The following PARVB variants were observed in gnomAD, a reference collection of about 807,000 sequenced individuals.
PARVB encodes the protein parvin beta, also known as beta-parvin.
PARVB carries 46 observed loss-of-function variants against 47.0 expected under a neutral mutation model. That is an observed-to-expected ratio of 0.98 (90% CI 0.77 to 1.25). The LOEUF (loss-of-function observed/expected upper bound fraction) is 1.25, where lower values mean the gene tolerates loss of function less well. PARVB is among the 50% of genes most tolerant of loss of function. PARVB has a pLI of 0.00. For synonymous variants in PARVB, 196 were observed against 196.3 expected, an observed-to-expected ratio of 1.00 and a Z score of 0.01; for missense variants, 473 against 471.6, an observed-to-expected ratio of 1.00 and a Z score of -0.03.
upstream of PARVB, among the ~76,000 whole-genome samples, chr22:44,023,567 T>C (rs146886560): frequency 0.025 from 3,548 of 143,782 alleles, 110 homozygotes; most frequent in East Asian, 0.1. Flanking sequence ...TAAAATAAAA[T>C]AAAATAAAAT....
chr22:44,119,803 G>A, intron 4 of PARVB: 1 of 532,984 alleles, frequency 1.9e-6, no homozygotes, highest in South Asian at 1.4e-5. Context: ...TGTTCAGATT[G>A]CTTGTGATGA....
intron 1 of PARVB, among the ~76,000 whole-genome samples, chr22:44,067,923 A>T (rs908733473): frequency 1.3e-5 from 2 of 151,942 alleles, no homozygotes; most frequent in African/African-American, 4.8e-5. Flanking sequence ...GTGTTGGGGG[A>T]CAGGGGTGAC....
upstream of PARVB, among the ~76,000 whole-genome samples, chr22:44,019,796 C>G (rs928774340): frequency 7.2e-5 from 11 of 152,160 alleles, no homozygotes; most frequent in African/African-American, 2.4e-4. Context: ...ACCCACACAC[C>G]CCCCATCAGG....
chr22:44,164,037 C>A, intron 12 of PARVB, 107 bp downstream of exon 12: 1 of 764,460 alleles, frequency 1.3e-6, no homozygotes, highest in Non-Finnish European at 2.1e-6. Context: ...CAGATGGGCC[C>A]CACGTCTCTG....
rs563294222 is a variant in PARVB, at chr22:44,172,893, G to T, written c.*4215G>T. ...GGATGCGGTTAGGACAATGCCACGT[G>T]GCGTCACAGTATGCTGTTATTTATT... On this transcript the variant is annotated 3_prime_UTR_variant, in exon 13 of 13. Transcript: ENST00000338758. 9.6e-7 allele frequency: 1 copy of T among 1,043,042 alleles called. No individual in the cohort carries two copies. Among genetic ancestry groups the T allele is most frequent in the South Asian group, 1.4e-5 (1 of 70,260 alleles). 64.6% of individuals were successfully genotyped at this position (1,043,042 alleles called of 1,614,324 possible).
intron 2 of PARVB, among the ~76,000 whole-genome samples, chr22:44,011,691 A>G (rs1185122968): frequency 6.6e-6 from 1 of 152,060 alleles, no homozygotes; most frequent in East Asian, 1.9e-4. Flanking sequence ...CTGGCCCCTT[A>G]CACACCCCTG....
intron 3 of PARVB, chr22:44,112,141 A>G (rs1185171502): frequency 2.0e-5 from 3 of 152,226 alleles, no homozygotes; most frequent in Non-Finnish European, 4.4e-5. Flanking sequence ...TGCTTTGAAA[A>G]CAAAAAAACA....
At chr22:44,081,581 C>G (rs1026016529) in intron 1 of PARVB, 21 of 985,192 alleles carry the variant, frequency 2.1e-5, no homozygotes, top group African/African-American at 5.2e-5. Flanking sequence ...CGTGCTTCTC[C>G]AGACTTAGCT....
intron 2 of PARVB, among the ~76,000 whole-genome samples, chr22:44,097,094 C>T (rs2052326528): frequency 6.6e-6 from 1 of 152,046 alleles, no homozygotes; most frequent in South Asian, 2.1e-4. Context: ...CACAGTTTAG[C>T]GACCACTAAA....
At chr22:44,021,680 C>T (rs1240924863), upstream of PARVB, among the ~76,000 whole-genome samples, 1 of 151,432 alleles carries the variant, frequency 6.6e-6, no homozygotes, top group Non-Finnish European at 1.5e-5. Flanking sequence ...CTCACAGGGT[C>T]TTTGCAGATG....
chr22:44,071,487 A>G (rs1017774615), intron 1 of PARVB, among the ~76,000 whole-genome samples: 16 of 152,162 alleles, frequency 1.1e-4, no homozygotes, highest in African/African-American at 3.6e-4. Context: ...TTCTTTTAGA[A>G]AAGGGGTCCC....
At chr22:44,064,882 C>T (rs2051488787) in intron 1 of PARVB, among the ~76,000 whole-genome samples, 1 of 152,154 alleles carries the variant, frequency 6.6e-6, no homozygotes, top group African/African-American at 2.4e-5. Context: ...GAACATTAAT[C>T]CGGATAGTTC....
chr22:44,020,052 G>A (rs573814251), upstream of PARVB, among the ~76,000 whole-genome samples: 4 of 152,260 alleles, frequency 2.6e-5, no homozygotes, highest in East Asian at 1.9e-4. Context: ...CCAGCAAGTC[G>A]GCACTCAGTT....
At chr22:44,128,441 C>T (rs1301728212) in intron 4 of PARVB, among the ~76,000 whole-genome samples, 1 of 152,222 alleles carries the variant, frequency 6.6e-6, no homozygotes, top group African/African-American at 2.4e-5. Context: ...CTGCGGCCCC[C>T]GCCAGTGGGC....
At chr22:44,148,369 AGCCT>A (rs1417333181) in intron 9 of PARVB, 2 of 212,430 alleles carry the variant, frequency 9.4e-6, no homozygotes, top group African/African-American at 2.3e-5. Context: ...TAGCCCAGGC[AGCCT>A]GCTGGTCAAT....
At chr22:44,146,929 CA>C (rs2053698518) in intron 8 of PARVB, 1 of 152,538 alleles carries the variant, frequency 6.6e-6, no homozygotes. Flanking sequence ...GGGCCCCTTC[CA>C]AATGCCCTCC....
chr22:44,043,957 A>G (rs2051067859), intron 1 of PARVB, among the ~76,000 whole-genome samples: 1 of 152,132 alleles, frequency 6.6e-6, no homozygotes. Flanking sequence ...AAGGTCTCAC[A>G]CTGGCCAGGG....
intron 8 of PARVB, 58 bp downstream of exon 8, chr22:44,140,201 C>T (rs994843566): frequency 6.4e-7 from 1 of 1,565,762 alleles, no homozygotes; most frequent in Non-Finnish European, 8.8e-7. Flanking sequence ...CCCCAGGAAG[C>T]TCCCAGAGAG....
chr22:44,122,619 G>A (rs1187587637), intron 4 of PARVB, among the ~76,000 whole-genome samples: 3 of 132,064 alleles, frequency 2.3e-5, no homozygotes, highest in Non-Finnish European at 4.8e-5. Flanking sequence ...AGGTCTCACT[G>A]CTTTCTCTCC....
Sources: allele counts gnomAD v4.1 joint callset (sites outside exome capture counted in the v4.1 genomes callset), GRCh38; gene constraint gnomAD v4.1.1; transcripts MANE v1.5; gene names NCBI Gene and HGNC (gene_info 2026-07-23, HGNC 2026-07-21).